Variants in MYCBP2 observed in about 807,000 individuals in gnomAD.
MYCBP2 encodes MYC binding protein 2.
A neutral mutation model predicts 525.3 loss-of-function variants in MYCBP2; 120 were observed. The ratio of observed to expected loss-of-function variants is 0.23; its 90% CI spans 0.20 to 0.27. The LOEUF is 0.27. Ranked by LOEUF, MYCBP2 falls within the 10% of genes least tolerant of loss-of-function variation. The pLI, the probability that MYCBP2 is intolerant of heterozygous loss-of-function variation, is 1.00. For missense variants in MYCBP2, 4,149 were observed against 5,657.1 expected, an observed-to-expected ratio of 0.73 and a Z score of 8.55; for synonymous variants, 1,894 against 1,955.8, an observed-to-expected ratio of 0.97 and a Z score of 0.83.
chr13:77,097,961 G>C lies in MYCBP2; in HGVS notation c.9193C>G (p.His3065Asp). The C allele has an allele frequency of 6.2e-7, 1 of 1,613,550 alleles. No homozygotes were observed. Among genetic ancestry groups the C allele is most frequent in the Non-Finnish European group, 8.5e-7 (1 of 1,179,772 alleles). Residue 3065 changes from histidine to aspartate, a missense_variant, in exon 56 of 83, where the codon CAT becomes GAT. His to Asp is a moderately conservative substitution (Grantham distance 81, BLOSUM62 -1). This residue lies in a region of MYCBP2 where 653 missense variants were observed against 744.7 expected (regional missense o/e 0.88). Coordinates refer to ENST00000544440, the MANE Select transcript of MYCBP2 (RefSeq NM_015057.5). Reference sequence around the variant, plus strand: ...TTTAAACTACTCCTTATAGGAGCATGTTCTTTGGAAAGTTCAGGATGAAAC... The same window carrying C: ...TTTAAACTACTCCTTATAGGAGCATCTTCTTTGGAAAGTTCAGGATGAAAC... Reference protein sequence around the residue: ...LKFHPELSKEHAPIRSSLNSQ... With the variant: ...LKFHPELSKEDAPIRSSLNSQ...
intron 43 of MYCBP2, among the ~76,000 whole-genome samples, chr13:77,162,726 G>C (rs1053767399): frequency 6.6e-6 from 1 of 151,940 alleles, no homozygotes; most frequent in South Asian, 2.1e-4. Flanking sequence ...GTGCGATCTC[G>C]GCTCACTGCA....
chr13:77,228,300 G>A (rs2066600274), intron 18 of MYCBP2, among the ~76,000 whole-genome samples: 1 of 152,044 alleles, frequency 6.6e-6, no homozygotes. Context: ...GAGCCTAGGA[G>A]CTCAAGACCA....
At chr13:77,117,963 T>C (rs2050065190) in intron 55 of MYCBP2, among the ~76,000 whole-genome samples, 1 of 152,114 alleles carries the variant, frequency 6.6e-6, no homozygotes, top group African/African-American at 2.4e-5. Flanking sequence ...TTGTCATACA[T>C]TTCATAGATA....
intron 14 of MYCBP2, among the ~76,000 whole-genome samples, chr13:77,257,328 A>G (rs1034605007): frequency 2.6e-5 from 4 of 152,062 alleles, no homozygotes; most frequent in Non-Finnish European, 5.9e-5. Context: ...TGATAGCACA[A>G]CAGGGTGGCT....
At chr13:77,236,101 G>C (rs562893066) in intron 17 of MYCBP2, among the ~76,000 whole-genome samples, 2 of 152,156 alleles carry the variant, frequency 1.3e-5, no homozygotes, top group African/African-American at 4.8e-5. Flanking sequence ...AAGACTGGAG[G>C]TAAGGCCAGT....
At chr13:77,047,343 C>G (rs2035777713) in intron 82 of MYCBP2, among the ~76,000 whole-genome samples, 1 of 152,130 alleles carries the variant, frequency 6.6e-6, no homozygotes, top group South Asian at 2.1e-4. Flanking sequence ...AAAATAGACA[C>G]AGCAATACCT....
chr13:77,067,361 C>A (rs2040385428), intron 71 of MYCBP2, among the ~76,000 whole-genome samples: 3 of 151,994 alleles, frequency 2.0e-5, no homozygotes, highest in Non-Finnish European at 4.4e-5. Context: ...ACATGGATAT[C>A]CAAATATTCT....
rs1324627700 is a variant in MYCBP2 at position 77,211,298 on chromosome 13, T to C, written c.3285A>G (p.Ser1095=). ...HIIGLVPASI[S]EPPPFKCLLI... ...GAAGGCATTTAAATGGAGGAGGTTC[T>C]GATATAGAAGCAGGTACCAAGCCTT... The change falls in exon 23 of 83, where the codon TCA becomes TCG. Residue 1095 remains serine, a synonymous_variant. Transcript: ENST00000544440. 2 of 1,483,012 alleles carry C rather than the reference T, an allele frequency of 1.3e-6. No homozygotes were observed. Among genetic ancestry groups the C allele is most frequent in the Non-Finnish European group, 9.0e-7 (1 of 1,111,122 alleles). The allele number at this position is 1,483,012 out of a possible 1,614,324, so 91.9% of individuals were successfully genotyped here.
chr13:77,174,239 T>C, intron 37 of MYCBP2, 72 bp downstream of exon 37: 1 of 1,442,122 alleles, frequency 6.9e-7, no homozygotes. Context: ...CAGTTAGCAA[T>C]TTTACCTGGT....
intron 26 of MYCBP2, among the ~76,000 whole-genome samples, chr13:77,202,112 T>G (rs2062666994): frequency 1.3e-5 from 2 of 152,084 alleles, no homozygotes; most frequent in African/African-American, 4.8e-5. Context: ...GCTGGTTTTT[T>G]GAAAGGATCA....
chr13:77,124,984 G>A (rs550398296), intron 54 of MYCBP2, among the ~76,000 whole-genome samples: 1 of 152,268 alleles, frequency 6.6e-6, no homozygotes, highest in Admixed American at 6.5e-5. Context: ...ACTGAGATTG[G>A]TAGTTGGAAT....
intron 54 of MYCBP2, among the ~76,000 whole-genome samples, 160 bp from the exon 55 acceptor site, chr13:77,121,655 A>G (rs1252571506): frequency 6.6e-6 from 1 of 152,240 alleles, no homozygotes; most frequent in Non-Finnish European, 1.5e-5. Flanking sequence ...TCATCTTAAC[A>G]TTAACAAAGC....
chr13:77,273,798 T>G, intron 4 of MYCBP2, 130 bp from the exon 5 acceptor site: 1 of 668,250 alleles, frequency 1.5e-6, no homozygotes. Context: ...TTTGCTTTAG[T>G]TTCTTTCTAG....
chr13:77,051,195 C>G, intron 81 of MYCBP2, 33 bp from the exon 82 acceptor site: 1 of 1,568,404 alleles, frequency 6.4e-7, no homozygotes, highest in Non-Finnish European at 8.6e-7. Flanking sequence ...GACACAAGAT[C>G]ATAGTGAGAC....
intron 56 of MYCBP2, 118 bp downstream of exon 56, chr13:77,097,252 A>T (rs2154128315): frequency 7.3e-6 from 10 of 1,365,308 alleles, no homozygotes; most frequent in Middle Eastern, 2.4e-4. Flanking sequence ...TAAAAATGAC[A>T]TTCTAAGATA....
intron 23 of MYCBP2, among the ~76,000 whole-genome samples, chr13:77,209,836 G>A (rs186935552): frequency 8.9e-4 from 135 of 152,324 alleles, no homozygotes; most frequent in African/African-American, 2.9e-3. Flanking sequence ...TGCAAGCCTC[G>A]TTATTAATCT....
intron 1 of MYCBP2, among the ~76,000 whole-genome samples, chr13:77,310,946 T>G (rs1382575040): frequency 6.6e-6 from 1 of 152,136 alleles, no homozygotes; most frequent in African/African-American, 2.4e-5. Context: ...TACAACTACT[T>G]TGGGCAAAAT....
chr13:77,268,113 A>G (rs576198304), intron 7 of MYCBP2, among the ~76,000 whole-genome samples, 176 bp from the exon 8 acceptor site: 3 of 152,338 alleles, frequency 2.0e-5, no homozygotes, highest in Non-Finnish European at 2.9e-5. Context: ...AGGAAAAGTC[A>G]TACATTATTG....
At chr13:77,218,021 A>G (rs1456342330) in intron 20 of MYCBP2, 64 bp from the exon 21 acceptor site, 19 of 1,102,844 alleles carry the variant, frequency 1.7e-5, no homozygotes, top group Middle Eastern at 4.0e-4. Flanking sequence ...AAAAACAATA[A>G]GTAAGCAATG....
Sources: gnomAD v4.1 joint callset for allele counts (sites outside exome capture counted in the v4.1 genomes callset) on GRCh38, gnomAD v4.1.1 for gene constraint, gnomAD v4.1.1 regional missense constraint, MANE v1.5 for transcripts, NCBI Gene and HGNC (gene_info 2026-07-23, HGNC 2026-07-21) for gene names.